Variants in NCL observed in about 807,000 individuals in gnomAD.
NCL encodes the protein nucleolin multifunctional protein.
NCL carries 4 observed loss-of-function variants against 77.7 expected under a neutral mutation model. The observed-to-expected ratio is 0.05, with a 90% CI of 0.03 to 0.12. The LOEUF is 0.12. NCL is among the 10% of genes least tolerant of loss of function. The pLI is 1.00. For missense variants in NCL, 763 were observed against 860.9 expected (o/e 0.89, Z 1.42); for synonymous variants, 344 against 297.8 (o/e 1.16, Z -1.60).
Position 231,457,644 on chromosome 2 carries a change from A to C in NCL, c.1446T>G (p.Ser482Arg), listed in dbSNP as rs1288201216. ...CTTGTAACAAGCCTAATTTCTTACC[A>C]CTCCAAGTGCTATTCTTTCCACCTC... ...DYRGGKNSTWSGESKTLVLSN... is the reference protein window; with the variant it reads ...DYRGGKNSTWRGESKTLVLSN... The change falls in exon 9 of 14, where the codon AGT becomes AGG. Residue 482 changes from serine (S) to arginine (R), a missense_variant and splice_region_variant. Transcript: ENST00000322723. 6.3e-7 allele frequency: 1 copy of C among 1,582,296 alleles called. No homozygotes were observed. The highest frequency in any genetic ancestry group is 8.6e-7 in the Non-Finnish European group (1 of 1,165,690).
intron 2 of NCL, 60 bp downstream of exon 2, chr2:231,463,140 T>C (rs1559543145): frequency 8.0e-7 from 1 of 1,257,434 alleles, no homozygotes; most frequent in African/African-American, 1.5e-5. Context: ...TCCAATTTCA[T>C]GTCTTAACTC....
At chr2:231,457,825 T>C (rs376345514) in intron 8 of NCL, 25 bp from the exon 9 acceptor site, 35 of 1,576,364 alleles carry the variant, frequency 2.2e-5, no homozygotes, top group African/African-American at 4.1e-5. Flanking sequence ...GAAGAACTCA[T>C]GGTTTTTAAA....
intron 10 of NCL, 31 bp from the exon 11 acceptor site, chr2:231,456,795 G>C (rs2595519): frequency 4.3e-6 from 7 of 1,612,378 alleles, no homozygotes; most frequent in Non-Finnish European, 5.9e-6. Flanking sequence ...CTTAGAGTAA[G>C]TTACCAGGCA....
At chr2:231,457,330 G>C in intron 9 of NCL, 1 of 802,154 alleles carries the variant, frequency 1.2e-6, no homozygotes, top group South Asian at 1.5e-5. Flanking sequence ...TACATAGGCT[G>C]ATGACTGGTC....
chr2:231,462,984 T>G (rs1332538789), intron 2 of NCL: 1 of 525,628 alleles, frequency 1.9e-6, no homozygotes, highest in Admixed American at 3.8e-5. Flanking sequence ...CAGAGGAACA[T>G]GTAAAAGAAA....
intron 2 of NCL, chr2:231,462,880 TACA>T: frequency 3.7e-5 from 3 of 81,622 alleles, no homozygotes; most frequent in African/African-American, 1.6e-4. Flanking sequence ...CAGCTCTGAA[TACA>T]ATGCCCAGCT....
At position 231,459,146 on chromosome 2, in the gene NCL, C is replaced by T. The variant is rs752429385; in HGVS notation, c.1041-21G>A. ...ATTTCCTTCAAGGTGGAGAGGAGGGCAAAATTACAACAGGTGAAAACACAA... is the reference window on the plus strand; with the variant it reads ...ATTTCCTTCAAGGTGGAGAGGAGGGTAAAATTACAACAGGTGAAAACACAA... On this transcript the variant is annotated intron_variant, in intron 6 of 13. Coordinates refer to ENST00000322723, the MANE Select transcript of NCL (RefSeq NM_005381.3). 15 of 1,526,394 alleles carry T rather than the reference C, an allele frequency of 9.8e-6. No homozygotes were observed. The South Asian group carries it at 1.2e-4, about 12-fold the overall frequency. The allele number at this position is 1,526,394 out of a possible 1,614,324, so 94.6% of individuals were successfully genotyped here.
intron 5 of NCL, 21 bp downstream of exon 5, chr2:231,460,456 AT>A: frequency 6.2e-7 from 1 of 1,607,340 alleles, no homozygotes. Context: ...TCTCCCCCAT[AT>A]CCCCTAATTC....
In NCL at chr2:231,461,981, C is replaced by T; in HGVS notation, c.172G>A (p.Ala58Thr). 1 of 1,614,184 alleles carries T rather than the reference C, an allele frequency of 6.2e-7. No individual in the cohort carries two copies. The highest frequency in any genetic ancestry group is 8.5e-7 in the Non-Finnish European group (1 of 1,180,042). The change falls in exon 3 of 14, where the codon GCA becomes ACA. Residue 58 changes from alanine (A) to threonine (T), a missense_variant. This residue lies in a region of NCL where 590 missense variants were observed against 570.5 expected (regional missense o/e 1.03). Coordinates refer to ENST00000322723, the MANE Select transcript of NCL (RefSeq NM_005381.3). ...ACGACCACCTTCTTTGCTGAGGTTGCAGCAGCCTTCTTGCCTTTCTTCTGA... is the reference window on the plus strand; with the variant it reads ...ACGACCACCTTCTTTGCTGAGGTTGTAGCAGCCTTCTTGCCTTTCTTCTGA... ...IPQKKGKKAA[A>T]TSAKKVVVSP...
At chr2:231,462,190 C>A in intron 2 of NCL, 173 bp from the exon 3 acceptor site, 1 of 884,818 alleles carries the variant, frequency 1.1e-6, no homozygotes, top group Non-Finnish European at 1.8e-6. Flanking sequence ...AGTCAGAGCC[C>A]CTATCATAAG....
chr2:231,455,154 T>C lies in NCL; in HGVS notation c.*37A>G. 2 of 1,612,732 alleles carry C rather than the reference T, an allele frequency of 1.2e-6. No homozygotes were observed. Among genetic ancestry groups the C allele is most frequent in the East Asian group, 2.2e-5 (1 of 44,874 alleles). On this transcript the variant is annotated 3_prime_UTR_variant, in exon 14 of 14. Coordinates refer to ENST00000322723, the MANE Select transcript of NCL (RefSeq NM_005381.3). ...TAACAGTAAAAACCCCAGAGTCCTTTCTTTCAAATGGAAAAGGGAAAGCAG... is the reference window on the plus strand; with the variant it reads ...TAACAGTAAAAACCCCAGAGTCCTTCCTTTCAAATGGAAAAGGGAAAGCAG...
At chr2:231,459,870 G>A (rs1375505061) in intron 6 of NCL, among the ~76,000 whole-genome samples, 1 of 151,946 alleles carries the variant, frequency 6.6e-6, no homozygotes, top group Non-Finnish European at 1.5e-5. Context: ...TTGCGCCACT[G>A]TACTCCAGCC....
rs1173041598 is a variant in NCL, at chr2:231,455,992, C to CA, written c.1832+17dup. On this transcript the variant is annotated intron_variant, in intron 12 of 13. Coordinates refer to ENST00000322723, the MANE Select transcript of NCL (RefSeq NM_005381.3). ...AACCCCTTCAAGTGGAAGCAGCACT[C>CA]ACGCTTCCTTCCCTTACCCTTTGGA... The CA allele has an allele frequency of 1.9e-5, 31 of 1,614,098 alleles. No individual in the cohort carries two copies. Among genetic ancestry groups the CA allele is most frequent in the Non-Finnish European group, 2.6e-5 (31 of 1,180,036 alleles).
chr2:231,460,073 G>A, intron 6 of NCL, 79 bp downstream of exon 6: 3 of 1,441,684 alleles, frequency 2.1e-6, no homozygotes, highest in Admixed American at 2.1e-5. Context: ...AACAGTAGCA[G>A]GCTAAAGTAA....
Position 231,453,973 on chromosome 2 carries a change from T to C in NCL, c.*1218A>G, listed in dbSNP as rs1282272276. 6.6e-6 allele frequency: 1 copy of C among 152,260 alleles called. No individual in the cohort carries two copies. The highest frequency in any genetic ancestry group is 1.5e-5 in the Non-Finnish European group (1 of 68,052). The allele number at this position is 152,260 out of a possible 1,614,324, so 9.4% of individuals were successfully genotyped here. The stretch of plus-strand genomic sequence containing the variant: ...AATGTTGATAGTCCCGCCTCTCACG[T>C]GGCCTTGTCTTTTACTAAAAAGGGA... On this transcript the variant is annotated 3_prime_UTR_variant, in exon 14 of 14. Transcript: ENST00000322723.
intron 5 of NCL, 73 bp from the exon 6 acceptor site, chr2:231,460,366 A>G: frequency 1.2e-6 from 2 of 1,601,276 alleles, no homozygotes; most frequent in East Asian, 2.2e-5. Context: ...AAATTTCTAT[A>G]CACAGCACAT....
At position 231,456,261 on chromosome 2, in the gene NCL, T is replaced by A. The variant is rs1259475682; in HGVS notation, c.1706-125A>T. ...TAGTGAAAAAGCAGTTAAAAGCAACTAAGCCAACTAGTCCTTAATTAAAGT... is the reference window on the plus strand; with the variant it reads ...TAGTGAAAAAGCAGTTAAAAGCAACAAAGCCAACTAGTCCTTAATTAAAGT... On this transcript the variant is annotated intron_variant, in intron 11 of 13. Coordinates refer to ENST00000322723, the MANE Select transcript of NCL (RefSeq NM_005381.3). 8 of 1,198,956 alleles carry A rather than the reference T, an allele frequency of 6.7e-6. No individual in the cohort carries two copies. The Admixed American group carries it at 1.1e-4, about 17-fold the overall frequency. The allele number at this position is 1,198,956 out of a possible 1,614,324, so 74.3% of individuals were successfully genotyped here. A position where few individuals can be genotyped will look rare whatever the true frequency, so the allele number is the denominator to read the frequency against.
chr2:231,456,037 G>A lies in NCL; in HGVS notation c.1805C>T (p.Thr602Ile), dbSNP rs1231090356. The change falls in exon 12 of 14, where the codon ACT becomes ATT. Residue 602 changes from threonine (T) to isoleucine (I), a missense_variant. Physicochemically the swap from Thr to Ile is moderately conservative, Grantham distance 89. Transcript: ENST00000322723. ...TTTGGAGGACCCAGTTTCCCGGTCAGTAACTATCCTTGCCCGAACGGAGCC... is the reference window on the plus strand; with the variant it reads ...TTTGGAGGACCCAGTTTCCCGGTCAATAACTATCCTTGCCCGAACGGAGCC... ...FDGSVRARIV[T>I]DRETGSSKGF... is the part of the protein sequence containing the mutation. 1 of 1,614,210 alleles carries A rather than the reference G, an allele frequency of 6.2e-7. No individual in the cohort carries two copies.
intron 8 of NCL, 29 bp from the exon 9 acceptor site, chr2:231,457,829 T>G: frequency 6.4e-7 from 1 of 1,570,716 alleles, no homozygotes; most frequent in Non-Finnish European, 8.7e-7. Flanking sequence ...AACTCATGGT[T>G]TTTAAAACCA....
Sources: allele counts gnomAD v4.1 joint callset (sites outside exome capture counted in the v4.1 genomes callset), GRCh38; gene constraint gnomAD v4.1.1; regional missense constraint gnomAD v4.1.1; transcripts MANE v1.5; gene names NCBI Gene and HGNC (gene_info 2026-07-23, HGNC 2026-07-21).